The following USP5 variants were observed in gnomAD, a reference collection of about 807,000 sequenced individuals.
USP5 encodes ubiquitin carboxyl-terminal hydrolase 5.
A neutral mutation model predicts 102.5 loss-of-function variants in USP5; 24 were observed. That is an observed-to-expected ratio of 0.23 (90% CI 0.17 to 0.33). USP5 has a LOEUF of 0.33. Ranked by LOEUF, USP5 falls within the 10% of genes least tolerant of loss-of-function variation. USP5 has a pLI of 1.00. For synonymous variants in USP5, 460 were observed against 434.8 expected (o/e 1.06, Z -0.72); for missense variants, 753 against 1,122.1 (o/e 0.67, Z 4.70).
At chr12:6,853,730 C>T (rs989902903) in intron 1 of USP5, among the ~76,000 whole-genome samples, 11 of 152,170 alleles carry the variant, frequency 7.2e-5, no homozygotes, top group South Asian at 2.1e-4. Flanking sequence ...TTCAGTGTGC[C>T]CTAGTTCTTT....
In USP5 at chr12:6,855,712, G is replaced by T. The variant is rs781931263; in HGVS notation, c.238-43G>T. 8 of 1,612,734 alleles carry T rather than the reference G, an allele frequency of 5.0e-6. No individual in the cohort carries two copies. In the East Asian group the frequency reaches 1.1e-4, roughly 22 times the overall value. Reference sequence around the variant, plus strand: ...GTCCCTCCTCCCGACTTGTTCCTTCGCTCGTGCTCATTGCTGATCCAGCCC... The same window carrying T: ...GTCCCTCCTCCCGACTTGTTCCTTCTCTCGTGCTCATTGCTGATCCAGCCC... On this transcript the variant is annotated intron_variant, in intron 2 of 19. Coordinates refer to ENST00000229268, the MANE Select transcript of USP5 (RefSeq NM_001098536.2). The surrounding 1 kb of genome is among the most constrained non-coding windows in gnomAD (Gnocchi z 4.6).
chr12:6,859,599 T>G (rs980473159), intron 9 of USP5, 58 bp downstream of exon 9: 4 of 1,560,618 alleles, frequency 2.6e-6, no homozygotes. Flanking sequence ...TATACCTTCC[T>G]CCTCCCTGAC....
chr12:6,856,719 C>T lies in USP5; in HGVS notation c.597C>T (p.Cys199=), dbSNP rs781892556. Residue 199 remains cysteine, a synonymous_variant, in exon 6 of 20, where the codon TGC becomes TGT. Transcript: ENST00000229268. This position sits in a 1 kb window ranked among gnomAD's most constrained non-coding sequence, Gnocchi z 5.6. ...PARIPPCGWK[C]SKCDMRENLW... ...CTCTGTGGGTTAGTGGCTGGAAGTG[C>T]TCCAAGTGTGACATGAGAGAGAACC... 5.1e-5 allele frequency: 83 copies of T among 1,613,894 alleles called. No homozygotes were observed. Among genetic ancestry groups the T allele is most frequent in the Non-Finnish European group, 6.9e-5 (82 of 1,179,996 alleles).
In USP5 at chr12:6,852,270, G is replaced by A. The variant is rs782644519; in HGVS notation, c.91G>A (p.Ala31Thr). 4 of 1,611,436 alleles carry A rather than the reference G, an allele frequency of 2.5e-6. No homozygotes were observed. Among genetic ancestry groups the A allele is most frequent in the African/African-American group, 1.3e-5 (1 of 74,930 alleles). The change falls in exon 1 of 20, where the codon GCC (alanine) becomes ACC (threonine). Residue 31 changes from alanine to threonine, a missense_variant. Ala to Thr is a moderately conservative substitution (Grantham distance 58). This residue lies in a region of USP5 where 527 missense variants were observed against 816.5 expected (regional missense o/e 0.65). Coordinates refer to ENST00000229268, the MANE Select transcript of USP5 (RefSeq NM_001098536.2). ...AGACCGGGTCCACAAAGACGAGTGC[G>A]CCTTCTCCTTCGACACGCCGGTAAG... ...AGDRVHKDECAFSFDTPESEG... is the reference protein window; with the variant it reads ...AGDRVHKDECTFSFDTPESEG...
chr12:6,860,891 C>T lies in USP5; in HGVS notation c.1345-62C>T, dbSNP rs1336287711. 6.3e-6 allele frequency: 10 copies of T among 1,598,546 alleles called. No individual in the cohort carries two copies. In the East Asian group the frequency reaches 2.0e-4, roughly 32 times the overall value. ...TTCTCTCCCTGACTCTCCCATGAAC[C>T]TTTCAGGCCCCATTCTGTTCCCTGG... On this transcript the variant is annotated intron_variant, in intron 11 of 19. Coordinates refer to ENST00000229268, the MANE Select transcript of USP5 (RefSeq NM_001098536.2). This position sits in a 1 kb window ranked among gnomAD's most constrained non-coding sequence, Gnocchi z 5.5.
rs1296079278 is a variant in USP5 at position 6,864,393 on chromosome 12, GT to G, written c.2244+199del. ...TTTTGCCCCAGAACTTGTTAAAAAT[GT>G]AATGCTTCTGTTTGGCCGGGCGCGG... On this transcript the variant is annotated intron_variant, in intron 17 of 19. Coordinates refer to ENST00000229268, the MANE Select transcript of USP5 (RefSeq NM_001098536.2). The surrounding 1 kb of genome is among the most constrained non-coding windows in gnomAD (Gnocchi z 4.8). Among the ~76,000 whole-genome samples, 2 of 152,192 alleles carry G rather than the reference GT, an allele frequency of 1.3e-5. No individual in the cohort carries two copies. Among genetic ancestry groups the G allele is most frequent in the African/African-American group, 4.8e-5 (2 of 41,456 alleles).
Position 6,863,366 on chromosome 12 carries a change from C to T in USP5, c.1943C>T (p.Ser648Phe), listed in dbSNP as rs1398530211. The stretch of plus-strand genomic sequence containing the variant: ...GACTCCTTCTGCTCCCCTCACTTCT[C>T]CTCTCCGACATGTTAGTGACTCTTC... ...DEDSFCSPHF[S>F]SPTSPMLDES... Residue 648 changes from serine to phenylalanine, a missense_variant, in exon 15 of 20, where the codon TCC becomes TTC. Around this residue, in one of 3 missense-constraint regions of USP5, gnomAD observed 193 missense variants for 230.2 expected, o/e 0.84. Transcript: ENST00000229268. The surrounding 1 kb of genome is among the most constrained non-coding windows in gnomAD (Gnocchi z 4.7). The T allele has an allele frequency of 6.2e-7, 1 of 1,613,820 alleles. No individual in the cohort carries two copies. Among genetic ancestry groups the T allele is most frequent in the Non-Finnish European group, 8.5e-7 (1 of 1,179,804 alleles).
In USP5 at chr12:6,860,834, T is replaced by G. The variant is rs782338288; in HGVS notation, c.1345-119T>G. 147 of 1,436,914 alleles carry G rather than the reference T, an allele frequency of 1.0e-4. 1 individual carries two copies. In the African/African-American group the frequency reaches 1.8e-3, roughly 18 times the overall value. The allele number at this position is 1,436,914 out of a possible 1,614,324, so 89.0% of individuals were successfully genotyped here. ...ATTAGGGAAGGTTTCTGCTCTGCTC[T>G]TGTGTCCCTGAGTTCCGAGTGGTAG... On this transcript the variant is annotated intron_variant, in intron 11 of 19. Transcript: ENST00000229268. The surrounding 1 kb of genome is among the most constrained non-coding windows in gnomAD (Gnocchi z 5.5).
chr12:6,863,111 G>T lies in USP5; in HGVS notation c.1763-75G>T. ...TTTACAGAGCAGTTCTGACATAGGG[G>T]GCAGGGGATTGAGGTTCCCGAATCA... On this transcript the variant is annotated intron_variant, in intron 14 of 19. Transcript: ENST00000229268. The surrounding 1 kb of genome is among the most constrained non-coding windows in gnomAD (Gnocchi z 4.7). 1.4e-6 allele frequency: 2 copies of T among 1,451,554 alleles called. No homozygotes were observed. The highest frequency in any genetic ancestry group is 1.9e-6 in the Non-Finnish European group (2 of 1,078,330). 89.9% of individuals were successfully genotyped at this position (1,451,554 alleles called of 1,614,324 possible).
At chr12:6,854,581 A>AC (rs1214134140) in intron 1 of USP5, among the ~76,000 whole-genome samples, 1 of 148,310 alleles carries the variant, frequency 6.7e-6, no homozygotes, top group Non-Finnish European at 1.5e-5. Flanking sequence ...ACATAGCGAG[A>AC]CCCCACCTCT....
At position 6,860,846 on chromosome 12, in the gene USP5, G is replaced by A. The variant is rs534531204; in HGVS notation, c.1345-107G>A. 6.2e-5 allele frequency: 92 copies of A among 1,491,710 alleles called. No individual in the cohort carries two copies. Among genetic ancestry groups the A allele is most frequent in the Non-Finnish European group, 8.3e-5 (91 of 1,095,134 alleles). 92.4% of individuals were successfully genotyped at this position (1,491,710 alleles called of 1,614,324 possible). On this transcript the variant is annotated intron_variant, in intron 11 of 19. Coordinates refer to ENST00000229268, the MANE Select transcript of USP5 (RefSeq NM_001098536.2). This position sits in a 1 kb window ranked among gnomAD's most constrained non-coding sequence, Gnocchi z 5.5. Reference sequence around the variant, plus strand: ...TTCTGCTCTGCTCTTGTGTCCCTGAGTTCCGAGTGGTAGTCTGCCTTCTCT... The same window carrying A: ...TTCTGCTCTGCTCTTGTGTCCCTGAATTCCGAGTGGTAGTCTGCCTTCTCT...
At chr12:6,857,129 GA>G (rs1403635812) in intron 6 of USP5, among the ~76,000 whole-genome samples, 23 of 150,228 alleles carry the variant, frequency 1.5e-4, no homozygotes, top group African/African-American at 4.9e-4. Context: ...CTCCAAAAAA[GA>G]AAAAAAAAGA....
At position 6,859,573 on chromosome 12, in the gene USP5, T is replaced by C. The variant is rs181013107; in HGVS notation, c.1130+32T>C. 279 of 1,608,388 alleles carry C rather than the reference T, an allele frequency of 1.7e-4. No homozygotes were observed. In the African/African-American group the frequency reaches 3.2e-3, roughly 19 times the overall value. ...AACCAGGTCCTATGTAGGAAAGCTG[T>C]TGACAGTCATGGCCGTATACCTTCC... On this transcript the variant is annotated intron_variant, in intron 9 of 19. Transcript: ENST00000229268.
At position 6,860,369 on chromosome 12, in the gene USP5, G is replaced by A. The variant is rs1167044355; in HGVS notation, c.1222G>A (p.Val408Ile). The A allele has an allele frequency of 1.2e-6, 2 of 1,614,080 alleles. No individual in the cohort carries two copies. Among genetic ancestry groups the A allele is most frequent in the Non-Finnish European group, 1.7e-6 (2 of 1,180,030 alleles). ...TCCCTGCCCTGACTCTTCCCAGGAA[G>A]TTCAAGATGGCATTGCCCCTCGGAT... ...DGERVPEQKE[V>I]QDGIAPRMFK... The change falls in exon 11 of 20, where the codon GTT (valine) becomes ATT (isoleucine). Residue 408 changes from valine to isoleucine, a missense_variant. By Grantham distance (29) the Val-to-Ile change is conservative. This residue lies in a region of USP5 where 527 missense variants were observed against 816.5 expected (regional missense o/e 0.65). Transcript: ENST00000229268. This position sits in a 1 kb window ranked among gnomAD's most constrained non-coding sequence, Gnocchi z 5.5.
At chr12:6,854,038 T>A (rs1555127660) in intron 1 of USP5, among the ~76,000 whole-genome samples, 1 of 151,882 alleles carries the variant, frequency 6.6e-6, no homozygotes, top group African/African-American at 2.4e-5. Flanking sequence ...TCCAATTTCC[T>A]CCTCCACCTT....
At position 6,858,846 on chromosome 12, in the gene USP5, C is replaced by T. The variant is rs782777795; in HGVS notation, c.1058+229C>T. On this transcript the variant is annotated intron_variant, in intron 8 of 19. Transcript: ENST00000229268. This position sits in a 1 kb window ranked among gnomAD's most constrained non-coding sequence, Gnocchi z 4.2. The stretch of plus-strand genomic sequence containing the variant: ...CCAGCCTGGGCAACATAGCGAGACC[C>T]TGTCTTCTCTTAAAAAAAAAAAAGA... 10 of 431,028 alleles carry T rather than the reference C, an allele frequency of 2.3e-5. No homozygotes were observed. The highest frequency in any genetic ancestry group is 3.4e-5 in the Non-Finnish European group (8 of 237,984). 26.7% of individuals were successfully genotyped at this position (431,028 alleles called of 1,614,324 possible).
Position 6,859,478 on chromosome 12 carries a change from A to C in USP5, c.1067A>C (p.Asp356Ala). The part of the protein sequence containing the change: ...SIPDFQRKYV[D>A]KLEKIFQNAP... The stretch of plus-strand genomic sequence containing the variant: ...CTTCCCTTGACTTTTAGGTATGTGG[A>C]TAAGCTGGAGAAGATCTTCCAGAAT... Residue 356 changes from aspartate (D) to alanine (A), a missense_variant, in exon 9 of 20, where the codon GAT becomes GCT. Asp to Ala is a moderately radical substitution (Grantham distance 126, BLOSUM62 -2). This residue lies in a region of USP5 where 527 missense variants were observed against 816.5 expected (regional missense o/e 0.65). Transcript: ENST00000229268. 1 of 1,614,144 alleles carries C rather than the reference A, an allele frequency of 6.2e-7. No individual in the cohort carries two copies. Among genetic ancestry groups the C allele is most frequent in the Non-Finnish European group, 8.5e-7 (1 of 1,180,008 alleles).
rs1944391133 is a variant in USP5 at position 6,864,964 on chromosome 12, C to T, written c.2398+89C>T. 1.3e-6 allele frequency: 2 copies of T among 1,517,338 alleles called. No homozygotes were observed. The highest frequency in any genetic ancestry group is 8.9e-7 in the Non-Finnish European group (1 of 1,127,896). 94.0% of individuals were successfully genotyped at this position (1,517,338 alleles called of 1,614,324 possible). On this transcript the variant is annotated intron_variant, in intron 18 of 19. Transcript: ENST00000229268. The surrounding 1 kb of genome is among the most constrained non-coding windows in gnomAD (Gnocchi z 4.8). ...CTCATTCAGGCAGCTCTGCCCTCCT[C>T]AGGAGTCAGGGGCTTCTTTCCACCT...
Position 6,861,011 on chromosome 12 carries a change from A to C in USP5, c.1403A>C (p.Lys468Thr), listed in dbSNP as rs1555129424. The C allele has an allele frequency of 1.2e-6, 2 of 1,614,170 alleles. No individual in the cohort carries two copies. The highest frequency in any genetic ancestry group is 2.2e-5 in the East Asian group (1 of 44,880). The change falls in exon 12 of 20, where the codon AAG becomes ACG. Residue 468 changes from lysine (K) to threonine (T), a missense_variant. Lys to Thr is a moderately conservative substitution (Grantham distance 78). This residue lies in a region of USP5 where 527 missense variants were observed against 816.5 expected (regional missense o/e 0.65). Transcript: ENST00000229268. This position sits in a 1 kb window ranked among gnomAD's most constrained non-coding sequence, Gnocchi z 4.9. The part of the protein sequence containing the change: ...NEVFRFLVEE[K>T]IKCLATEKVK... Reference sequence around the variant, plus strand: ...GTGTTCCGCTTCTTGGTGGAGGAAAAGATCAAGTGCCTGGCCACAGAGAAG... The same window carrying C: ...GTGTTCCGCTTCTTGGTGGAGGAAACGATCAAGTGCCTGGCCACAGAGAAG...
Sources: gnomAD v4.1 joint callset for allele counts (sites outside exome capture counted in the v4.1 genomes callset) on GRCh38, gnomAD v4.1.1 for gene constraint, gnomAD v4.1.1 regional missense constraint, Gnocchi (gnomAD v3.1) non-coding constraint, MANE v1.5 for transcripts, NCBI Gene and HGNC (gene_info 2026-07-23, HGNC 2026-07-21) for gene names.